TRPM3: variants seen among roughly 807,000 people sequenced by gnomAD.
TRPM3 encodes the protein long transient receptor potential channel 3.
In TRPM3, 77 loss-of-function variants were observed where a neutral mutation model predicts 181.2. The observed-to-expected ratio is 0.42, with a 90% CI of 0.35 to 0.51. The LOEUF (loss-of-function observed/expected upper bound fraction) is 0.51. Among genes scored for constraint, TRPM3 ranks in the 20% least tolerant of loss-of-function variants. The probability of loss-of-function intolerance (pLI) is 0.01; values close to 1 mark genes in which losing one functional copy is unlikely to be tolerated. For missense variants in TRPM3, 1,759 were observed against 2,196.7 expected, an observed-to-expected ratio of 0.80 and a Z score of 3.98; for synonymous variants, 745 against 796.4, an observed-to-expected ratio of 0.94 and a Z score of 1.09.
At chr9:71,271,277 A>C (rs2083769600) in intron 1 of TRPM3, among the ~76,000 whole-genome samples, 1 of 151,898 alleles carries the variant, frequency 6.6e-6, no homozygotes, top group Non-Finnish European at 1.5e-5. Flanking sequence ...TTGTTAATTT[A>C]TCATTATTAT....
chr9:70,569,112 G>A (rs138670509), intron 22 of TRPM3, among the ~76,000 whole-genome samples: 1 of 152,122 alleles, frequency 6.6e-6, no homozygotes, highest in African/African-American at 2.4e-5. Flanking sequence ...CCAATTTCAG[G>A]CTAGGAAATA....
At chr9:70,861,465 T>G (rs1589328181) in intron 3 of TRPM3, among the ~76,000 whole-genome samples, 1 of 152,180 alleles carries the variant, frequency 6.6e-6, no homozygotes, top group Non-Finnish European at 1.5e-5. Context: ...GACACGAGGC[T>G]TGCAGGCAGT....
At chr9:70,543,894 A>G (rs1172109407) in intron 25 of TRPM3, among the ~76,000 whole-genome samples, 1 of 152,210 alleles carries the variant, frequency 6.6e-6, no homozygotes, top group Non-Finnish European at 1.5e-5. Flanking sequence ...AGGCAGATCA[A>G]GTATGTAGGT....
chr9:70,744,652 CTG>C (rs2074815320), intron 8 of TRPM3, among the ~76,000 whole-genome samples: 1 of 152,166 alleles, frequency 6.6e-6, no homozygotes, highest in African/African-American at 2.4e-5. Context: ...GGTCTGGACA[CTG>C]TGCCTTCATT....
At chr9:71,370,153 C>T (rs753995715) in intron 1 of TRPM3, among the ~76,000 whole-genome samples, 3 of 152,088 alleles carry the variant, frequency 2.0e-5, no homozygotes, top group Non-Finnish European at 2.9e-5. Context: ...TTTCCCTCTC[C>T]GTGGGCCTGT....
At chr9:70,962,849 G>C (rs2097150253) in intron 1 of TRPM3, among the ~76,000 whole-genome samples, 1 of 152,108 alleles carries the variant, frequency 6.6e-6, no homozygotes, top group Non-Finnish European at 1.5e-5. Context: ...AAATCACCGG[G>C]GGGACAAGGG....
Position 71,351,310 on chromosome 9 carries a change from C to T in TRPM3, c.183+95343G>A, listed in dbSNP as rs181186485. Among the ~76,000 whole-genome samples the T allele has an allele frequency of 9.9e-5, 15 of 152,264 alleles. No homozygotes were observed. In the East Asian group the frequency reaches 1.7e-3, roughly 18 times the overall value. ...TTAGACTGTAAGCTTAGGTACACAG[C>T]GTTAAGGCTGTAATTGGATTCACGT... On this transcript the variant is annotated intron_variant, in intron 1 of 24. Transcript: ENST00000357533.
intron 1 of TRPM3, among the ~76,000 whole-genome samples, chr9:70,919,988 G>A (rs1037943457): frequency 3.9e-5 from 6 of 152,022 alleles, no homozygotes; most frequent in Non-Finnish European, 2.9e-5. Flanking sequence ...GACCCTCCCT[G>A]CAGTTTACTA....
chr9:70,912,166 G>A (rs1472385617), intron 1 of TRPM3, among the ~76,000 whole-genome samples: 1 of 152,178 alleles, frequency 6.6e-6, no homozygotes, highest in Non-Finnish European at 1.5e-5. Context: ...TCAAAGAAAA[G>A]AAAGAAGGGG....
intron 1 of TRPM3, among the ~76,000 whole-genome samples, chr9:71,206,584 G>C (rs2079137472): frequency 6.6e-6 from 1 of 152,044 alleles, no homozygotes; most frequent in Admixed American, 6.6e-5. Flanking sequence ...AAGCTCTTTA[G>C]TTTAATTAGA....
At chr9:70,958,293 C>T (rs1200324626) in intron 1 of TRPM3, among the ~76,000 whole-genome samples, 7 of 152,022 alleles carry the variant, frequency 4.6e-5, no homozygotes, top group African/African-American at 1.4e-4. Context: ...GAGGTCCTCT[C>T]CTTTGATGAT....
intron 1 of TRPM3, among the ~76,000 whole-genome samples, chr9:70,925,731 A>G (rs2096714764): frequency 6.6e-6 from 1 of 152,096 alleles, no homozygotes; most frequent in African/African-American, 2.4e-5. Flanking sequence ...TTTGATATTA[A>G]TATAGAAGAG....
Position 70,550,943 on chromosome 9 carries a change from C to T in TRPM3, c.3575-1269G>A, listed in dbSNP as rs78730524. Among the ~76,000 whole-genome samples the T allele has an allele frequency of 2.0e-4, 31 of 152,108 alleles. 1 individual carries two copies. The East Asian group carries it at 5.8e-3, about 28-fold the overall frequency. On this transcript the variant is annotated intron_variant, in intron 24 of 25. Coordinates refer to ENST00000677713, the MANE Select transcript of TRPM3 (RefSeq NM_001366145.2). ...ATGAAATTACACAGAGCATTAGTCT[C>T]GAGGGAGGGGAAAGAAAAGAGGCAG... is the stretch of plus-strand genomic sequence containing the variant.
chr9:71,307,995 A>G, intron 1 of TRPM3, among the ~76,000 whole-genome samples: 1 of 139,360 alleles, frequency 7.2e-6, no homozygotes, highest in Admixed American at 7.3e-5. Flanking sequence ...TTTGAGATGG[A>G]GTTTCACTCT....
chr9:70,823,120 G>A (rs1316358905), intron 6 of TRPM3, among the ~76,000 whole-genome samples: 2 of 151,894 alleles, frequency 1.3e-5, no homozygotes, highest in Admixed American at 6.6e-5. Context: ...GGCTTCCCCT[G>A]CAGTGCTCCC....
At chr9:71,077,861 ATATGT>A (rs2063687144) in intron 1 of TRPM3, among the ~76,000 whole-genome samples, 1 of 151,332 alleles carries the variant, frequency 6.6e-6, no homozygotes, top group Non-Finnish European at 1.5e-5. Context: ...TATACTTTCA[ATATGT>A]TATAACATAT....
intron 1 of TRPM3, among the ~76,000 whole-genome samples, chr9:71,200,637 C>T (rs929548521): frequency 4.6e-5 from 7 of 152,278 alleles, no homozygotes; most frequent in African/African-American, 1.7e-4. Context: ...ATGGCCTTCT[C>T]TGTCTCTTTT....
At chr9:71,049,590 G>A (rs1005681458) in intron 1 of TRPM3, among the ~76,000 whole-genome samples, 1 of 152,106 alleles carries the variant, frequency 6.6e-6, no homozygotes, top group Non-Finnish European at 1.5e-5. Context: ...CCAGTAAGGA[G>A]GTCTGTATGT....
chr9:70,763,423 A>C (rs1195645121), intron 7 of TRPM3, among the ~76,000 whole-genome samples: 1 of 151,992 alleles, frequency 6.6e-6, no homozygotes, highest in Non-Finnish European at 1.5e-5. Flanking sequence ...AGGTGGGAGG[A>C]CCACTTCAGC....
Sources: gnomAD v4.1 joint callset for allele counts (sites outside exome capture counted in the v4.1 genomes callset) on GRCh38, gnomAD v4.1.1 for gene constraint, MANE v1.5 for transcripts, NCBI Gene and HGNC (gene_info 2026-07-23, HGNC 2026-07-21) for gene names.